The following TMTC2 variants were observed in gnomAD, a reference collection of about 807,000 sequenced individuals.
TMTC2 encodes protein O-mannosyl-transferase TMTC2.
A neutral mutation model predicts 82.4 loss-of-function variants in TMTC2; 43 were observed. The ratio of observed to expected loss-of-function variants is 0.52; its 90% confidence interval spans 0.41 to 0.67. The LOEUF (loss-of-function observed/expected upper bound fraction) is 0.67, where lower values mean the gene tolerates loss of function less well. TMTC2 is among the 30% of genes least tolerant of loss of function. The pLI, the probability that TMTC2 is intolerant of heterozygous loss-of-function variation, is 0.00. For synonymous variants in TMTC2, 408 were observed against 381.9 expected (o/e 1.07, Z -0.80); for missense variants, 919 against 1,012.4 (o/e 0.91, Z 1.25).
In TMTC2 at chr12:82,932,746, CT is replaced by C. The variant is rs551307054; in HGVS notation, c.1598+2202del. ...CATACATTTTTGGAAGAAAAGGAAA[CT>C]GAACAATGAACACCTCTTCATTGAA... On this transcript the variant is annotated intron_variant, in intron 4 of 11. Transcript: ENST00000321196. 2.0e-4 allele frequency among the ~76,000 whole-genome samples: 30 copies of C among 152,200 alleles called. No individual in the cohort carries two copies. The South Asian group carries it at 6.0e-3, about 31-fold the overall frequency.
At chr12:82,838,519 C>T (rs952666655) in intron 1 of TMTC2, among the ~76,000 whole-genome samples, 4 of 152,166 alleles carry the variant, frequency 2.6e-5, no homozygotes, top group Admixed American at 6.5e-5. Flanking sequence ...CTGTTTCTAC[C>T]CTGATGATAA....
At position 83,122,697 on chromosome 12, in the gene TMTC2, A is replaced by C. The variant is rs539720021; in HGVS notation, c.2332-9513A>C. On this transcript the variant is annotated intron_variant, in intron 11 of 11. Transcript: ENST00000321196. Reference sequence around the variant, plus strand: ...GGTGTCTCCCGTGTCCTGCGGGAGCATTCCCCTTCCTTCAGAGGGTATGTG... The same window carrying C: ...GGTGTCTCCCGTGTCCTGCGGGAGCCTTCCCCTTCCTTCAGAGGGTATGTG... 3.9e-5 allele frequency among the ~76,000 whole-genome samples: 6 copies of C among 152,292 alleles called. No individual in the cohort carries two copies. The South Asian group carries it at 1.2e-3, about 32-fold the overall frequency.
chr12:82,992,192 G>A (rs1879431372), intron 8 of TMTC2, among the ~76,000 whole-genome samples: 1 of 152,188 alleles, frequency 6.6e-6, no homozygotes, highest in Non-Finnish European at 1.5e-5. Flanking sequence ...TGGTGTCAGT[G>A]TAGTTTATCT....
intron 3 of TMTC2, among the ~76,000 whole-genome samples, chr12:82,929,129 CGGTGGCGTGAT>C (rs1267872079): frequency 3.3e-5 from 5 of 151,938 alleles, no homozygotes; most frequent in Non-Finnish European, 7.4e-5. Context: ...GGCTTGAGTG[CGGTGGCGTGAT>C]CATGGCTCAC....
At chr12:82,902,813 T>C (rs1382511542) in intron 3 of TMTC2, among the ~76,000 whole-genome samples, 2 of 152,212 alleles carry the variant, frequency 1.3e-5, no homozygotes, top group Non-Finnish European at 2.9e-5. Context: ...CTCAGCCTCA[T>C]GTAATATGCC....
At chr12:82,821,860 G>A (rs912411459) in intron 1 of TMTC2, among the ~76,000 whole-genome samples, 1 of 146,862 alleles carries the variant, frequency 6.8e-6, no homozygotes, top group Admixed American at 6.9e-5. Flanking sequence ...CACTTCAGCT[G>A]CCTGGGTGAC....
At chr12:82,921,986 A>T (rs897928698) in intron 3 of TMTC2, among the ~76,000 whole-genome samples, 2 of 151,566 alleles carry the variant, frequency 1.3e-5, no homozygotes, top group East Asian at 3.9e-4. Flanking sequence ...GCACATTTGT[A>T]GTCTCAGCTA....
intron 11 of TMTC2, among the ~76,000 whole-genome samples, chr12:83,091,835 A>G (rs1463184349): frequency 6.6e-6 from 1 of 152,186 alleles, no homozygotes; most frequent in Non-Finnish European, 1.5e-5. Context: ...TTTAATTCAT[A>G]TGGAATTTAT....
At chr12:82,994,672 G>A (rs1171433374) in intron 8 of TMTC2, among the ~76,000 whole-genome samples, 8 of 150,284 alleles carry the variant, frequency 5.3e-5, no homozygotes, top group Admixed American at 5.3e-4. Flanking sequence ...AACTTGCATT[G>A]GATACACATT....
chr12:83,059,928 C>T (rs551901230), intron 10 of TMTC2, among the ~76,000 whole-genome samples: 2 of 151,828 alleles, frequency 1.3e-5, no homozygotes, highest in Non-Finnish European at 2.9e-5. Flanking sequence ...AATTTCCTAC[C>T]TGCATGCCTT....
chr12:82,747,529 G>A (rs1249874644), intron 1 of TMTC2, among the ~76,000 whole-genome samples: 2 of 152,170 alleles, frequency 1.3e-5, no homozygotes, highest in Admixed American at 6.6e-5. Context: ...CAAGTGTAAT[G>A]AAGGAAAGAA....
intron 1 of TMTC2, among the ~76,000 whole-genome samples, chr12:82,807,298 G>T (rs1424696271): frequency 6.6e-6 from 1 of 152,100 alleles, no homozygotes; most frequent in African/African-American, 2.4e-5. Flanking sequence ...CTTGACAGAA[G>T]ACTGGAGAGG....
intron 11 of TMTC2, among the ~76,000 whole-genome samples, chr12:83,119,103 G>C (rs1016164457): frequency 1.3e-5 from 2 of 152,012 alleles, no homozygotes; most frequent in Non-Finnish European, 2.9e-5. Flanking sequence ...AAGAACCAGT[G>C]TTCTGTTTCA....
chr12:82,990,335 G>T (rs894835489), intron 8 of TMTC2, among the ~76,000 whole-genome samples: 1 of 152,078 alleles, frequency 6.6e-6, no homozygotes, highest in Non-Finnish European at 1.5e-5. Context: ...TCAGTGGAAT[G>T]ATTCACTCAG....
At chr12:82,992,493 C>T (rs1879444252) in intron 8 of TMTC2, among the ~76,000 whole-genome samples, 1 of 152,078 alleles carries the variant, frequency 6.6e-6, no homozygotes, top group Non-Finnish European at 1.5e-5. Flanking sequence ...AAAGTGAAGA[C>T]ATAATATCAC....
intron 2 of TMTC2, among the ~76,000 whole-genome samples, chr12:82,864,353 G>A (rs76328954): frequency 6.6e-6 from 1 of 152,014 alleles, no homozygotes; most frequent in Admixed American, 6.5e-5. Context: ...GTAGCCACTC[G>A]GGAGTCGGGG....
chr12:82,749,487 G>A (rs1875864842), intron 1 of TMTC2, among the ~76,000 whole-genome samples: 1 of 152,020 alleles, frequency 6.6e-6, no homozygotes, highest in African/African-American at 2.4e-5. Flanking sequence ...TAGATTTGAT[G>A]CTTTTTTGTT....
At chr12:82,939,713 A>C (rs898062243) in intron 4 of TMTC2, among the ~76,000 whole-genome samples, 3 of 152,096 alleles carry the variant, frequency 2.0e-5, no homozygotes, top group South Asian at 4.1e-4. Context: ...TATGGACTCT[A>C]TTCTGTTCTG....
At chr12:83,099,713 T>TA (rs1202354856) in intron 11 of TMTC2, among the ~76,000 whole-genome samples, 3 of 151,890 alleles carry the variant, frequency 2.0e-5, no homozygotes, top group African/African-American at 7.3e-5. Flanking sequence ...AAACAGAACT[T>TA]ATGTTTTACC....
Sources: allele counts gnomAD v4.1 joint callset (sites outside exome capture counted in the v4.1 genomes callset), GRCh38; gene constraint gnomAD v4.1.1; transcripts MANE v1.5; gene names NCBI Gene and HGNC (gene_info 2026-07-23, HGNC 2026-07-21).